Variants in PARD3 observed in about 807,000 individuals in gnomAD.
PARD3 encodes the protein par-3 family cell polarity regulator, also known as partitioning defective 3 homolog.
PARD3 carries 75 observed loss-of-function variants against 155.4 expected under a neutral mutation model. The observed-to-expected ratio is 0.48, with a 90% CI of 0.40 to 0.58. The LOEUF is 0.58. PARD3 is among the 20% of genes least tolerant of loss of function. The pLI, the probability that PARD3 is intolerant of heterozygous loss-of-function variation, is 0.00. For missense variants in PARD3, 1,642 were observed against 1,721.7 expected (o/e 0.95, Z 0.82); for synonymous variants, 576 against 610.5 (o/e 0.94, Z 0.83).
At chr10:34,495,948 A>G (rs2080253915) in intron 3 of PARD3, among the ~76,000 whole-genome samples, 1 of 152,188 alleles carries the variant, frequency 6.6e-6, no homozygotes, top group African/African-American at 2.4e-5. Context: ...CATGCCTGTA[A>G]TACCAGCACT....
chr10:34,598,774 A>G (rs1393314362), intron 2 of PARD3, among the ~76,000 whole-genome samples: 1 of 152,164 alleles, frequency 6.6e-6, no homozygotes, highest in Non-Finnish European at 1.5e-5. Context: ...AGCCTCTAAC[A>G]CAGGAGACAA....
chr10:34,289,981 A>C (rs1003529635), intron 20 of PARD3, among the ~76,000 whole-genome samples: 1 of 152,080 alleles, frequency 6.6e-6, no homozygotes, highest in Admixed American at 6.5e-5. Flanking sequence ...GTGTCATTGA[A>C]AAGTAACTAC....
intron 2 of PARD3, among the ~76,000 whole-genome samples, chr10:34,560,035 A>C (rs2085336197): frequency 6.6e-6 from 1 of 152,196 alleles, no homozygotes; most frequent in Admixed American, 6.6e-5. Flanking sequence ...ATAATTATTT[A>C]TCTGCATCAT....
At chr10:34,352,767 C>T (rs1395230808) in intron 14 of PARD3, among the ~76,000 whole-genome samples, 1 of 152,152 alleles carries the variant, frequency 6.6e-6, no homozygotes, top group Non-Finnish European at 1.5e-5. Flanking sequence ...CGGCCGCGAC[C>T]CCATCTGGGA....
intron 2 of PARD3, among the ~76,000 whole-genome samples, chr10:34,562,123 C>CAAAAAAAA (rs3041198): frequency 1.1e-4 from 3 of 26,364 alleles, no homozygotes; most frequent in African/African-American, 2.6e-4. Context: ...CTGACTGTCT[C>CAAAAAAAA]AAAAAAAAAA....
intron 22 of PARD3, among the ~76,000 whole-genome samples, chr10:34,264,622 G>C (rs897086501): frequency 5.1e-4 from 78 of 152,226 alleles, no homozygotes; most frequent in African/African-American, 1.8e-3. Context: ...TAGCTTTATA[G>C]GAAGTCCCCA....
intron 1 of PARD3, among the ~76,000 whole-genome samples, chr10:34,770,678 C>T (rs1268485962): frequency 1.3e-5 from 2 of 152,284 alleles, no homozygotes; most frequent in East Asian, 3.9e-4. Context: ...GATGACTCTC[C>T]CACCACGGAC....
At chr10:34,394,061 C>G (rs1384563457) in intron 7 of PARD3, among the ~76,000 whole-genome samples, 1 of 152,010 alleles carries the variant, frequency 6.6e-6, no homozygotes, top group Non-Finnish European at 1.5e-5. Context: ...TGGACTCGAT[C>G]TCTTGACTTC....
At chr10:34,606,463 T>C (rs2090446759) in intron 2 of PARD3, among the ~76,000 whole-genome samples, 1 of 151,594 alleles carries the variant, frequency 6.6e-6, no homozygotes, top group African/African-American at 2.4e-5. Flanking sequence ...GGTTGGTTGG[T>C]TTTTTCTGGG....
At chr10:34,220,269 T>C (rs769576561) in intron 22 of PARD3, among the ~76,000 whole-genome samples, 32 of 152,102 alleles carry the variant, frequency 2.1e-4, no homozygotes, top group Non-Finnish European at 2.6e-4. Context: ...ACAGAGACGA[T>C]AGGGAGTGAC....
chr10:34,645,099 C>T (rs1054110287), intron 2 of PARD3, among the ~76,000 whole-genome samples: 2 of 152,218 alleles, frequency 1.3e-5, no homozygotes, highest in African/African-American at 2.4e-5. Flanking sequence ...ATGATCCTCT[C>T]GCCTTGGCCT....
intron 22 of PARD3, among the ~76,000 whole-genome samples, chr10:34,162,914 T>C (rs994008403): frequency 6.6e-6 from 1 of 152,138 alleles, no homozygotes; most frequent in Admixed American, 6.5e-5. Flanking sequence ...CCCAGATAGA[T>C]GCCACCACCA....
intron 4 of PARD3, among the ~76,000 whole-genome samples, chr10:34,458,200 A>T (rs897495180): frequency 4.0e-5 from 6 of 151,736 alleles, no homozygotes; most frequent in African/African-American, 1.5e-4. Flanking sequence ...TTTTGTTTTA[A>T]TTTTTTATTT....
intron 7 of PARD3, among the ~76,000 whole-genome samples, chr10:34,388,765 C>T (rs574832454): frequency 3.3e-5 from 5 of 152,078 alleles, no homozygotes; most frequent in Non-Finnish European, 5.9e-5. Context: ...ATGTTCCATC[C>T]TAAGAAGAAA....
At chr10:34,539,262 T>C (rs1010747115) in intron 2 of PARD3, among the ~76,000 whole-genome samples, 1 of 152,214 alleles carries the variant, frequency 6.6e-6, no homozygotes, top group Non-Finnish European at 1.5e-5. Flanking sequence ...GACTAGCTCA[T>C]GAGGACTCTT....
chr10:34,406,322 C>T (rs898605757), intron 5 of PARD3, among the ~76,000 whole-genome samples: 4 of 152,148 alleles, frequency 2.6e-5, no homozygotes, highest in African/African-American at 9.7e-5. Context: ...CACATGAACA[C>T]TTTCTTATAT....
chr10:34,279,815 T>G (rs1365582888), intron 21 of PARD3, among the ~76,000 whole-genome samples: 1 of 152,152 alleles, frequency 6.6e-6, no homozygotes, highest in Non-Finnish European at 1.5e-5. Context: ...ACACAAGGCT[T>G]TGAAAGATGA....
intron 21 of PARD3, among the ~76,000 whole-genome samples, chr10:34,272,519 CAG>C (rs1474430822): frequency 1.3e-5 from 2 of 152,098 alleles, no homozygotes; most frequent in Non-Finnish European, 2.9e-5. Flanking sequence ...TGCTTGAGCC[CAG>C]GAGTTCTAGA....
At chr10:34,538,688 C>T (rs910280744) in intron 2 of PARD3, among the ~76,000 whole-genome samples, 1 of 152,116 alleles carries the variant, frequency 6.6e-6, no homozygotes, top group Non-Finnish European at 1.5e-5. Flanking sequence ...GGAGGCCAGA[C>T]GAGCTGGGCA....
Sources: allele counts gnomAD v4.1 joint callset (sites outside exome capture counted in the v4.1 genomes callset), GRCh38; gene constraint gnomAD v4.1.1; transcripts MANE v1.5; gene names NCBI Gene and HGNC (gene_info 2026-07-23, HGNC 2026-07-21).